Variants in SORBS2 observed in about 807,000 individuals in gnomAD.
SORBS2 encodes the protein sorbin and SH3 domain-containing protein 2.
In SORBS2, 46 loss-of-function variants were observed where a neutral mutation model predicts 97.7. The ratio of observed to expected loss-of-function variants is 0.47; its 90% CI spans 0.37 to 0.60. The LOEUF (loss-of-function observed/expected upper bound fraction) is 0.60, where lower values mean the gene tolerates loss of function less well. Ranked by LOEUF, SORBS2 falls within the 20% of genes least tolerant of loss-of-function variation. The pLI is 0.00. For missense variants in SORBS2, 1,316 were observed against 1,282.3 expected, an observed-to-expected ratio of 1.03 and a Z score of -0.40; for synonymous variants, 476 against 473.4, an observed-to-expected ratio of 1.01 and a Z score of -0.07.
At position 185,623,613 on chromosome 4, in the gene SORBS2, C is replaced by T. The variant is rs772164410; in HGVS notation, c.1516G>A (p.Gly506Arg). The change falls in exon 7 of 15, where the codon GGG becomes AGG. Residue 506 changes from glycine to arginine, a missense_variant. Transcript: ENST00000418609. The surrounding 1 kb of genome is among the most constrained non-coding windows in gnomAD (Gnocchi z 6.4). ...TAGTCACTGTGGTCGGACACAACCCCGTCCTGGTCGCTGTCGGAAAACTCC... is the reference window on the plus strand; with the variant it reads ...TAGTCACTGTGGTCGGACACAACCCTGTCCTGGTCGCTGTCGGAAAACTCC... 4 of 1,614,062 alleles carry T rather than the reference C, an allele frequency of 2.5e-6. No homozygotes were observed. The highest frequency in any genetic ancestry group is 1.7e-5 in the Admixed American group (1 of 60,016).
In SORBS2 at chr4:185,607,594, C is replaced by T. The variant is rs1302027420; in HGVS notation, c.2796+4186G>A. Among the ~76,000 whole-genome samples, 2 of 152,070 alleles carry T rather than the reference C, an allele frequency of 1.3e-5. No homozygotes were observed. The highest frequency in any genetic ancestry group is 4.8e-5 in the African/African-American group (2 of 41,422). On this transcript the variant is annotated intron_variant, in intron 12 of 14. Coordinates refer to ENST00000418609, the Ensembl canonical transcript of SORBS2. The surrounding 1 kb of genome is among the most constrained non-coding windows in gnomAD (Gnocchi z 5.2). ...AAGTTACTTCACAAATGAAACTCTA[C>T]TAGTTTTGGAAGGGGTCTTAAATGT... is the stretch of plus-strand genomic sequence containing the variant.
intron 1 of SORBS2, among the ~76,000 whole-genome samples, chr4:185,847,791 C>T (rs759580448): frequency 6.6e-6 from 1 of 152,210 alleles, no homozygotes; most frequent in Non-Finnish European, 1.5e-5. Flanking sequence ...ACTGGGCTCA[C>T]ATCTTAGGAG....
intron 1 of SORBS2, among the ~76,000 whole-genome samples, chr4:185,791,300 A>T (rs763206810): frequency 1.4e-4 from 22 of 152,182 alleles, no homozygotes; most frequent in Non-Finnish European, 3.1e-4. Context: ...TGCACTTCAT[A>T]TGATCTTGTT....
At chr4:185,688,488 CTA>C (rs2098019199) in intron 2 of SORBS2, among the ~76,000 whole-genome samples, 1 of 145,028 alleles carries the variant, frequency 6.9e-6, no homozygotes, top group African/African-American at 2.7e-5. Context: ...ATCTATCTGT[CTA>C]TTGATAGATA....
chr4:185,655,854 C>A (rs1271998022), intron 1 of SORBS2, among the ~76,000 whole-genome samples: 3 of 152,142 alleles, frequency 2.0e-5, no homozygotes, highest in African/African-American at 7.2e-5. Flanking sequence ...CATTATATAT[C>A]ATTTATTGAC....
At chr4:185,748,365 G>A (rs532817930) in intron 2 of SORBS2, among the ~76,000 whole-genome samples, 1 of 152,266 alleles carries the variant, frequency 6.6e-6, no homozygotes, top group African/African-American at 2.4e-5. Flanking sequence ...TTTTGATTTA[G>A]GCAATATGGT....
chr4:185,934,140 C>A (rs527633077), intron 1 of SORBS2, among the ~76,000 whole-genome samples: 5 of 152,304 alleles, frequency 3.3e-5, no homozygotes, highest in South Asian at 4.1e-4. Context: ...TCTCTTTTAA[C>A]CCTCATGTCT....
chr4:185,691,989 C>T (rs184172217), intron 2 of SORBS2, among the ~76,000 whole-genome samples: 342 of 152,312 alleles, frequency 2.2e-3, no homozygotes, highest in Non-Finnish European at 3.8e-3. Context: ...CCTTGTGATC[C>T]GCCCGCCTCG....
rs549335068 is a variant in SORBS2, at chr4:185,916,986, C to T, written c.-338+39210G>A. ...TAGAGGGTTGGGACTTTTGGCCCCACCCCAACCTCATGGGAGGGTAGAGGG... is the reference window on the plus strand; with the variant it reads ...TAGAGGGTTGGGACTTTTGGCCCCATCCCAACCTCATGGGAGGGTAGAGGG... On this transcript the variant is annotated intron_variant, in intron 1 of 20. Coordinates refer to the SORBS2 transcript ENST00000284776. Among the ~76,000 whole-genome samples, 7 of 152,314 alleles carry T rather than the reference C, an allele frequency of 4.6e-5. No homozygotes were observed. The East Asian group carries it at 9.6e-4, about 21-fold the overall frequency.
Position 185,826,821 on chromosome 4 carries a change from T to A in SORBS2, c.-337-51455A>T, listed in dbSNP as rs182344168. Among the ~76,000 whole-genome samples, 214 of 152,358 alleles carry A rather than the reference T, an allele frequency of 1.4e-3. 3 individuals carry two copies. The highest frequency in any genetic ancestry group is 5.0e-3 in the African/African-American group (206 of 41,580). ...AAATTGATCCCTAATTATGTGACCA[T>A]GAGCAAATTCCTGACTTTATGTCCC... On this transcript the variant is annotated intron_variant, in intron 1 of 20. Transcript: ENST00000284776.
chr4:185,726,465 A>G (rs937705343), intron 2 of SORBS2, among the ~76,000 whole-genome samples: 2 of 152,138 alleles, frequency 1.3e-5, no homozygotes, highest in African/African-American at 2.4e-5. Flanking sequence ...TTTAAATAGA[A>G]TAATAACCAA....
At chr4:185,630,226 A>G (rs1436812600) in intron 5 of SORBS2, among the ~76,000 whole-genome samples, 1 of 152,142 alleles carries the variant, frequency 6.6e-6, no homozygotes, top group Non-Finnish European at 1.5e-5. Context: ...ATATATTATT[A>G]TAAGGGCCAT....
At chr4:185,610,011 G>A (rs1032025950) in intron 12 of SORBS2, among the ~76,000 whole-genome samples, 2 of 152,080 alleles carry the variant, frequency 1.3e-5, no homozygotes, top group East Asian at 3.9e-4. Context: ...TAAAAAACTG[G>A]TTATTAGTGA....
chr4:185,760,185 G>A (rs550135033), intron 2 of SORBS2, among the ~76,000 whole-genome samples: 1 of 152,268 alleles, frequency 6.6e-6, no homozygotes, highest in East Asian at 1.9e-4. Context: ...TGTTTCCATC[G>A]AATTGGCAGT....
intron 1 of SORBS2, among the ~76,000 whole-genome samples, chr4:185,777,015 GA>G (rs2099003479): frequency 6.6e-6 from 1 of 151,764 alleles, no homozygotes; most frequent in African/African-American, 2.4e-5. Context: ...GAAAGACACT[GA>G]AATAGATTAT....
At position 185,772,067 on chromosome 4, in the gene SORBS2, G is replaced by A. The variant is rs554056741; in HGVS notation, c.-198+3160C>T. 3.7e-3 allele frequency: 562 copies of A among 152,232 alleles called. 4 individuals are homozygous for A. Among genetic ancestry groups the A allele is most frequent in the African/African-American group, 0.013 (528 of 41,536 alleles). The allele number at this position is 152,232 out of a possible 1,614,324, so 9.4% of individuals were successfully genotyped here. A position where few individuals can be genotyped will look rare whatever the true frequency, so the allele number is the denominator to read the frequency against. Reference sequence around the variant, plus strand: ...ACACAAATTTATATGATCTACAAAAGAAAGGAATGTTTTCAGATCCTGGGC... The same window carrying A: ...ACACAAATTTATATGATCTACAAAAAAAAGGAATGTTTTCAGATCCTGGGC... On this transcript the variant is annotated intron_variant, in intron 2 of 20. Transcript: ENST00000284776.
intron 1 of SORBS2, among the ~76,000 whole-genome samples, chr4:185,902,125 A>G (rs1441468096): frequency 6.6e-6 from 1 of 152,240 alleles, no homozygotes; most frequent in African/African-American, 2.4e-5. Flanking sequence ...GTATTTTAAA[A>G]GCATATTAGT....
In SORBS2 at chr4:185,776,606, C is replaced by A. The variant is rs1051770844; in HGVS notation, c.-337-1240G>T. Among the ~76,000 whole-genome samples, 4 of 151,936 alleles carry A rather than the reference C, an allele frequency of 2.6e-5. No individual in the cohort carries two copies. The South Asian group carries it at 8.3e-4, about 32-fold the overall frequency. On this transcript the variant is annotated intron_variant, in intron 1 of 20. Coordinates refer to the SORBS2 transcript ENST00000284776. Reference sequence around the variant, plus strand: ...GGGAGATGAAAAGAGAGTCTTCAACCTGAATTCAGTATAAAAAACTGCCGG... The same window carrying A: ...GGGAGATGAAAAGAGAGTCTTCAACATGAATTCAGTATAAAAAACTGCCGG...
chr4:185,596,326 C>CAA (rs1384842766), intron 12 of SORBS2, among the ~76,000 whole-genome samples: 49 of 152,158 alleles, frequency 3.2e-4, no homozygotes, highest in African/African-American at 1.2e-3. Context: ...CTTTTAAAGT[C>CAA]CGTATATCCC....
Sources: gnomAD v4.1 joint callset for allele counts (sites outside exome capture counted in the v4.1 genomes callset) on GRCh38, gnomAD v4.1.1 for gene constraint, Gnocchi (gnomAD v3.1) non-coding constraint, MANE v1.5 for transcripts, NCBI Gene and HGNC (gene_info 2026-07-23, HGNC 2026-07-21) for gene names.